The following TNIK variants were observed in gnomAD, a reference collection of about 807,000 sequenced individuals.
TNIK encodes TRAF2 and NCK-interacting protein kinase.
In TNIK, 49 loss-of-function variants were observed where a neutral mutation model predicts 191.3. That is an observed-to-expected ratio of 0.26 (90% CI 0.20 to 0.32). The LOEUF is 0.32. TNIK is among the 10% of genes least tolerant of loss of function. The pLI is 1.00. For missense variants in TNIK, 1,155 were observed against 1,702.3 expected (o/e 0.68, Z 5.66); for synonymous variants, 594 against 600.9 (o/e 0.99, Z 0.17).
chr3:171,291,270 A>G (rs1315585329), intron 2 of TNIK, among the ~76,000 whole-genome samples: 1 of 152,190 alleles, frequency 6.6e-6, no homozygotes, highest in Non-Finnish European at 1.5e-5. Context: ...TATGCATTGT[A>G]AATAAATTGA....
chr3:171,290,551 A>G lies in TNIK; in HGVS notation c.124-62330T>C, dbSNP rs147688241. Among the ~76,000 whole-genome samples the G allele has an allele frequency of 4.3e-3, 654 of 152,348 alleles. 3 individuals are homozygous for G. The highest frequency in any genetic ancestry group is 0.015 in the African/African-American group (631 of 41,576). On this transcript the variant is annotated intron_variant, in intron 2 of 32. Transcript: ENST00000436636. ...GTCAAAATGAATTTTATTAAGAAAAATCAAATATGCTGAACATTAGATTCC... is the reference window on the plus strand; with the variant it reads ...GTCAAAATGAATTTTATTAAGAAAAGTCAAATATGCTGAACATTAGATTCC...
At chr3:171,137,108 C>CTTTTTTTTT (rs71176593) in intron 15 of TNIK, among the ~76,000 whole-genome samples, 13 of 104,162 alleles carry the variant, frequency 1.2e-4, no homozygotes, top group African/African-American at 1.5e-4. Flanking sequence ...TTTAAAAATC[C>CTTTTTTTTT]TTTTTTTTTT....
At chr3:171,373,721 T>C (rs1716846552) in intron 1 of TNIK, among the ~76,000 whole-genome samples, 1 of 152,194 alleles carries the variant, frequency 6.6e-6, no homozygotes, top group Non-Finnish European at 1.5e-5. Context: ...AACCAACACA[T>C]GTCCCTCATG....
chr3:171,085,146 A>G lies in TNIK; in HGVS notation c.2970T>C (p.Asp990=). 1 of 1,611,214 alleles carries G rather than the reference A, an allele frequency of 6.2e-7. No homozygotes were observed. The highest frequency in any genetic ancestry group is 8.5e-7 in the Non-Finnish European group (1 of 1,178,722). ...RVYQTSPTDE[D]EEDEESSAAA... ...CGGCTGATGATTCCTCATCCTCTTC[A>G]TCTTCATCAGTGGGAGACGTCTGGT... Residue 990 remains aspartate (D), a synonymous_variant, in exon 25 of 33, where the codon GAT becomes GAC. Transcript: ENST00000436636.
At chr3:171,182,018 CCT>C (rs748989082) in intron 7 of TNIK, among the ~76,000 whole-genome samples, 2 of 152,024 alleles carry the variant, frequency 1.3e-5, no homozygotes, top group African/African-American at 4.8e-5. Context: ...CCTCAGAATC[CCT>C]CTTGGGCAGC....
chr3:171,460,188 TC>T lies in TNIK; in HGVS notation c.-126del, dbSNP rs983189008. 2.0e-5 allele frequency: 24 copies of T among 1,223,434 alleles called. No homozygotes were observed. The highest frequency in any genetic ancestry group is 4.1e-5 in the Admixed American group (2 of 49,326). 75.8% of individuals were successfully genotyped at this position (1,223,434 alleles called of 1,614,324 possible). A position where few individuals can be genotyped will look rare whatever the true frequency, so the allele number is the denominator to read the frequency against. On this transcript the variant is annotated 5_prime_UTR_variant, in exon 1 of 33. Coordinates refer to ENST00000436636, the MANE Select transcript of TNIK (RefSeq NM_015028.4). The surrounding 1 kb of genome is among the most constrained non-coding windows in gnomAD (Gnocchi z 6.8). ...CGCGCCAGAGGCCCCGGGCCCAGCC[TC>T]CCCCGCCCACCCCAGCCCCACAGCG...
chr3:171,168,681 T>A (rs1734917824), intron 9 of TNIK, among the ~76,000 whole-genome samples: 1 of 152,196 alleles, frequency 6.6e-6, no homozygotes, highest in Non-Finnish European at 1.5e-5. Flanking sequence ...TGCCCCAGGA[T>A]GAATCAGCGT....
chr3:171,411,198 G>T (rs568068064), intron 1 of TNIK, among the ~76,000 whole-genome samples: 1 of 152,136 alleles, frequency 6.6e-6, no homozygotes, highest in African/African-American at 2.4e-5. Flanking sequence ...CTCTCAAGGA[G>T]CTGGGACTAC....
At chr3:171,142,635 A>G (rs1730994715) in intron 12 of TNIK, among the ~76,000 whole-genome samples, 1 of 152,252 alleles carries the variant, frequency 6.6e-6, no homozygotes, top group South Asian at 2.1e-4. Context: ...GGCAAGTCCC[A>G]GACATGCAAG....
Position 171,228,216 on chromosome 3 carries a change from A to G in TNIK, c.129T>C (p.Arg43=), listed in dbSNP as rs755502034. The G allele has an allele frequency of 6.8e-6, 11 of 1,613,550 alleles. No individual in the cohort carries two copies. The highest frequency in any genetic ancestry group is 9.3e-6 in the Non-Finnish European group (11 of 1,179,570). Residue 43 remains arginine (R), a synonymous_variant, in exon 3 of 33, where the codon CGT becomes CGC. Coordinates refer to ENST00000436636, the MANE Select transcript of TNIK (RefSeq NM_015028.4). ...NGTYGQVYKG[R]HVKTGQLAAI... ...CTGCAAGCTGGCCCGTTTTGACATG[A>G]CGACCCTGTGAAGAAAAAATAATAA...
At chr3:171,377,559 T>C (rs182769613) in intron 1 of TNIK, among the ~76,000 whole-genome samples, 1 of 152,366 alleles carries the variant, frequency 6.6e-6, no homozygotes, top group African/African-American at 2.4e-5. Flanking sequence ...TAAATGCTTT[T>C]CATACATTTT....
intron 1 of TNIK, among the ~76,000 whole-genome samples, chr3:171,457,303 T>G (rs1324632853): frequency 2.6e-5 from 4 of 152,144 alleles, no homozygotes; most frequent in Admixed American, 2.6e-4. Flanking sequence ...CTGAGAACAA[T>G]AAGCCCCCAA....
intron 2 of TNIK, among the ~76,000 whole-genome samples, chr3:171,254,314 C>A (rs984615453): frequency 2.0e-5 from 3 of 152,174 alleles, no homozygotes; most frequent in African/African-American, 7.2e-5. Flanking sequence ...CCAAAGACCA[C>A]ACCACACTCT....
At chr3:171,077,141 A>G (rs977646309) in intron 28 of TNIK, among the ~76,000 whole-genome samples, 7 of 129,574 alleles carry the variant, frequency 5.4e-5, no homozygotes, top group Admixed American at 4.8e-4. Flanking sequence ...CTTTCTGCTG[A>G]TAAATGCCCT....
At chr3:171,196,086 ATAAC>A (rs1258536741) in intron 4 of TNIK, among the ~76,000 whole-genome samples, 1 of 152,236 alleles carries the variant, frequency 6.6e-6, no homozygotes, top group African/African-American at 2.4e-5. Flanking sequence ...TTAGAAAAAA[ATAAC>A]AAACTAACTA....
At chr3:171,316,344 C>G (rs771721366) in intron 2 of TNIK, among the ~76,000 whole-genome samples, 6 of 152,006 alleles carry the variant, frequency 3.9e-5, no homozygotes, top group Admixed American at 1.3e-4. Context: ...AATAGGCCAA[C>G]AAGGAGGAAT....
chr3:171,182,388 A>G (rs1736779336), intron 7 of TNIK, among the ~76,000 whole-genome samples: 1 of 152,128 alleles, frequency 6.6e-6, no homozygotes, highest in South Asian at 2.1e-4. Context: ...AAAATGCTCC[A>G]ATTACCACTG....
chr3:171,270,149 T>C (rs1163391530), intron 2 of TNIK, among the ~76,000 whole-genome samples: 1 of 152,180 alleles, frequency 6.6e-6, no homozygotes, highest in Non-Finnish European at 1.5e-5. Context: ...ACCCCATCTT[T>C]CTAAGTTTAG....
intron 1 of TNIK, among the ~76,000 whole-genome samples, chr3:171,414,073 T>C (rs1462787593): frequency 6.6e-6 from 1 of 152,246 alleles, no homozygotes; most frequent in African/African-American, 2.4e-5. Flanking sequence ...CACCCATTTA[T>C]GTTAGAGACT....
Sources: allele counts gnomAD v4.1 joint callset (sites outside exome capture counted in the v4.1 genomes callset), GRCh38; gene constraint gnomAD v4.1.1; non-coding constraint Gnocchi (gnomAD v3.1); transcripts MANE v1.5; gene names NCBI Gene and HGNC (gene_info 2026-07-23, HGNC 2026-07-21).